Variants in NCOR2 observed in about 807,000 individuals in gnomAD.
NCOR2 encodes the protein nuclear receptor corepressor 2.
NCOR2 carries 81 observed loss-of-function variants against 262.9 expected under a neutral mutation model. The ratio of observed to expected loss-of-function variants is 0.31; its 90% CI spans 0.26 to 0.37. The LOEUF is 0.37. Ranked by LOEUF, NCOR2 falls within the 10% of genes least tolerant of loss-of-function variation. NCOR2 has a pLI of 1.00. For synonymous variants in NCOR2, 1,659 were observed against 1,559.3 expected (o/e 1.06, Z -1.51); for missense variants, 3,385 against 3,621.4 (o/e 0.93, Z 1.68).
intron 13 of NCOR2, among the ~76,000 whole-genome samples, chr12:124,407,557 C>T (rs746773371): frequency 3.3e-5 from 5 of 152,136 alleles, no homozygotes; most frequent in Non-Finnish European, 7.3e-5. Flanking sequence ...ACATGACCCA[C>T]CCCATGTTAA....
At chr12:124,330,925 G>C (rs778610226) in intron 43 of NCOR2, 27 bp from the exon 46 acceptor site, 1 of 1,568,628 alleles carries the variant, frequency 6.4e-7, no homozygotes, top group East Asian at 2.4e-5. Flanking sequence ...GAGTGGGTGA[G>C]GCCCCCAGGT....
At chr12:124,357,555 CAGAGTG>C (rs1397722548) in intron 22 of NCOR2, among the ~76,000 whole-genome samples, 22 of 152,234 alleles carry the variant, frequency 1.4e-4, no homozygotes, top group Non-Finnish European at 2.8e-4. Flanking sequence ...CCTTGGCCTC[CAGAGTG>C]CTGGAATTAC....
At chr12:124,489,838 G>T (rs115651626) in intron 1 of NCOR2, among the ~76,000 whole-genome samples, 1 of 152,150 alleles carries the variant, frequency 6.6e-6, no homozygotes. Flanking sequence ...GGCTAGATGC[G>T]GGGGGATGTT....
At chr12:124,509,782 G>C (rs2049283463) in intron 1 of NCOR2, among the ~76,000 whole-genome samples, 1 of 152,098 alleles carries the variant, frequency 6.6e-6, no homozygotes, top group Admixed American at 6.5e-5. Context: ...GGGTGAAAGA[G>C]CAGGCGGCAG....
At chr12:124,528,699 C>T (rs2050613410) in intron 1 of NCOR2, among the ~76,000 whole-genome samples, 1 of 152,232 alleles carries the variant, frequency 6.6e-6, no homozygotes, top group African/African-American at 2.4e-5. Context: ...TGGCCCCAAC[C>T]AGCCACCAAT....
Position 124,344,842 on chromosome 12 carries a change from A to G in NCOR2, c.4469T>C (p.Leu1490Pro), listed in dbSNP as rs1347211997. 2 of 1,565,646 alleles carry G rather than the reference A, an allele frequency of 1.3e-6. No individual in the cohort carries two copies. Among genetic ancestry groups the G allele is most frequent in the African/African-American group, 1.4e-5 (1 of 73,918 alleles). Residue 1490 changes from leucine to proline, a missense_variant, in exon 32 of 47, where the codon CTG becomes CCG. Physicochemically the swap from Leu to Pro is moderately conservative, Grantham distance 98. This residue lies in a region of NCOR2 where 1,615 missense variants were observed against 1,626.9 expected (regional missense o/e 0.99). Transcript: ENST00000405201. The stretch of plus-strand genomic sequence containing the variant: ...TGCCCGGGCGTCGGCCATCACATCC[A>G]GCGGGTGCACGGGTGGGAACGTCCG...
At chr12:124,538,154 ACC>A (rs2051171868), upstream of NCOR2, 1 of 152,068 alleles carries the variant, frequency 6.6e-6, no homozygotes, top group East Asian at 1.9e-4. Context: ...CCTGCTCCCA[ACC>A]CCAGCCAGCT....
At chr12:124,417,791 T>C (rs1011482181) in intron 13 of NCOR2, among the ~76,000 whole-genome samples, 11 of 152,214 alleles carry the variant, frequency 7.2e-5, no homozygotes, top group African/African-American at 2.4e-4. Flanking sequence ...CTGAGCACAG[T>C]GGCTCATGCC....
At position 124,342,080 on chromosome 12, in the gene NCOR2, G is replaced by A. The variant is rs778286505; in HGVS notation, c.4937-6C>T. 4 of 1,602,376 alleles carry A rather than the reference G, an allele frequency of 2.5e-6. No homozygotes were observed. Among genetic ancestry groups the A allele is most frequent in the Admixed American group, 3.3e-5 (2 of 59,726 alleles). On this transcript the variant is annotated splice_region_variant and splice_polypyrimidine_tract_variant and intron_variant, in intron 33 of 46. Transcript: ENST00000405201. ...GGGCAGGTAGTAGGCAGCGGCTGCG[G>A]GGCAGAGGGGAGCTCATGTGAGGCC...
In NCOR2 at chr12:124,354,473, C is replaced by T. The variant is rs1234482080; in HGVS notation, c.3589+5G>A. 2.0e-6 allele frequency: 3 copies of T among 1,528,712 alleles called. No individual in the cohort carries two copies. The highest frequency in any genetic ancestry group is 1.7e-6 in the Non-Finnish European group (2 of 1,144,968). 94.7% of individuals were successfully genotyped at this position (1,528,712 alleles called of 1,614,324 possible). Reference sequence around the variant, plus strand: ...GCTGGGGGCCCAGGGCAGAAGGGCCCTCACCTCTCAGCACGGACGCCTCCT... The same window carrying T: ...GCTGGGGGCCCAGGGCAGAAGGGCCTTCACCTCTCAGCACGGACGCCTCCT... On this transcript the variant is annotated splice_donor_5th_base_variant and intron_variant, in intron 26 of 46. Transcript: ENST00000405201.
exon 16 of NCOR2, chr12:124,398,131 T>C (rs2041796199): frequency 1.9e-6 from 3 of 1,614,110 alleles, no homozygotes; most frequent in African/African-American, 2.7e-5. Context: ...TTCTTGGCTG[T>C]TTCCATTTCT....
Position 124,344,686 on chromosome 12 carries a change from G to A in NCOR2, c.4625C>T (p.Thr1542Ile), listed in dbSNP as rs1440182431. 8 of 1,528,560 alleles carry A rather than the reference G, an allele frequency of 5.2e-6. No individual in the cohort carries two copies. In the East Asian group the frequency reaches 2.0e-4, roughly 38 times the overall value. 94.7% of individuals were successfully genotyped at this position (1,528,560 alleles called of 1,614,324 possible). The change falls in exon 32 of 47, where the codon ACC (threonine) becomes ATC (isoleucine). Residue 1542 changes from threonine (T) to isoleucine (I), a missense_variant. Coordinates refer to ENST00000405201, the Ensembl canonical transcript of NCOR2. ...AAAGGGTGCCCCGTGGTCCTCATAG[G>A]TCAGGGGGCTCTGCCGCGGCTTACC... is the stretch of plus-strand genomic sequence containing the variant.
rs78419904 is a variant in NCOR2 at position 124,413,227 on chromosome 12, C to T, written c.1482+6730G>A. Among the ~76,000 whole-genome samples the T allele has an allele frequency of 5.0e-3, 754 of 152,320 alleles. 17 individuals are homozygous for T. In the East Asian group the frequency reaches 0.073, roughly 15 times the overall value. On this transcript the variant is annotated intron_variant, in intron 13 of 46. Coordinates refer to ENST00000405201, the Ensembl canonical transcript of NCOR2. ...TGGGCGCTGTTGACCCTGGGAGGGGCGGTCGTGCCCACTCCCCGACACCTC... is the reference window on the plus strand; with the variant it reads ...TGGGCGCTGTTGACCCTGGGAGGGGTGGTCGTGCCCACTCCCCGACACCTC...
chr12:124,428,378 A>G (rs2043717990), intron 10 of NCOR2, among the ~76,000 whole-genome samples: 1 of 152,258 alleles, frequency 6.6e-6, no homozygotes, highest in Admixed American at 6.5e-5. Flanking sequence ...AAGTTTTAAA[A>G]TGAAAAATTA....
Position 124,440,317 on chromosome 12 carries a change from G to A in NCOR2, c.816-2321C>T, listed in dbSNP as rs576136183. Among the ~76,000 whole-genome samples, 8 of 152,174 alleles carry A rather than the reference G, an allele frequency of 5.3e-5. No individual in the cohort carries two copies. The highest frequency in any genetic ancestry group is 1.2e-4 in the Non-Finnish European group (8 of 68,026). ...GAGGGAACCCCAGGCTCTGACGGAC[G>A]AGTGAAGCCTCATGGGGCTCAAGGG... On this transcript the variant is annotated intron_variant, in intron 7 of 46. Transcript: ENST00000405201. The surrounding 1 kb of genome is among the most constrained non-coding windows in gnomAD (Gnocchi z 5.7).
intron 1 of NCOR2, among the ~76,000 whole-genome samples, chr12:124,542,261 A>G (rs1347269446): frequency 1.3e-5 from 2 of 152,048 alleles, no homozygotes; most frequent in Non-Finnish European, 2.9e-5. Context: ...CTGTGCCTCC[A>G]GGACCCATGA....
intron 17 of NCOR2, among the ~76,000 whole-genome samples, chr12:124,382,108 G>A (rs2040454506): frequency 6.6e-6 from 1 of 152,218 alleles, no homozygotes; most frequent in South Asian, 2.1e-4. Context: ...AGCCAGAGGT[G>A]GCTGATACTG....
At chr12:124,374,537 G>A in intron 18 of NCOR2, 74 bp from the exon 21 acceptor site, 1 of 1,404,250 alleles carries the variant, frequency 7.1e-7, no homozygotes, top group Non-Finnish European at 9.9e-7. Flanking sequence ...AGGCAACGTG[G>A]CCAAGAGGGG....
intron 26 of NCOR2, 70 bp from the exon 29 acceptor site, chr12:124,354,266 A>C: frequency 1.4e-6 from 2 of 1,448,026 alleles, no homozygotes; most frequent in Non-Finnish European, 9.4e-7. Flanking sequence ...CAGTCCTGAG[A>C]GCCACCCTGA....
Sources: gnomAD v4.1 joint callset for allele counts (sites outside exome capture counted in the v4.1 genomes callset) on GRCh38, gnomAD v4.1.1 for gene constraint, gnomAD v4.1.1 regional missense constraint, Gnocchi (gnomAD v3.1) non-coding constraint, MANE v1.5 for transcripts, NCBI Gene and HGNC (gene_info 2026-07-23, HGNC 2026-07-21) for gene names.